TUSC3: variants seen among roughly 807,000 people sequenced by gnomAD.
The protein encoded by TUSC3 is dolichyl-diphosphooligosaccharide--protein glycosyltransferase subunit TUSC3.
In TUSC3, 45 loss-of-function variants were observed where a neutral mutation model predicts 44.8. The ratio of observed to expected loss-of-function variants is 1.00; its 90% CI spans 0.79 to 1.29. The LOEUF is 1.29. TUSC3 is among the 50% of genes most tolerant of loss of function. TUSC3 has a pLI of 0.00. For missense variants in TUSC3, 519 were observed against 437.9 expected, an observed-to-expected ratio of 1.19 and a Z score of -1.65; for synonymous variants, 212 against 152.9, an observed-to-expected ratio of 1.39 and a Z score of -2.85.
chr8:15,775,622 A>G, the TUSC3 span, among the ~76,000 whole-genome samples: 3 of 120,450 alleles, frequency 2.5e-5, no homozygotes, highest in Non-Finnish European at 5.1e-5. Context: ...GTACATATAT[A>G]TATACAGACA....
chr8:15,763,051 A>G (rs1812219662), intron 10 of TUSC3, among the ~76,000 whole-genome samples: 1 of 152,058 alleles, frequency 6.6e-6, no homozygotes, highest in Admixed American at 6.6e-5. Flanking sequence ...TAACAAGAGT[A>G]ATTTTTCTAG....
rs138248480 is a variant in TUSC3 at position 15,613,988 on chromosome 8, C to A, written c.139-9092C>A. On this transcript the variant is annotated intron_variant, in intron 1 of 10. Transcript: ENST00000503731. Reference sequence around the variant, plus strand: ...ATCTCCCATGTGTACAGGAAGTATACATTTGTGAAGCTTCTGGTGTTTTGT... The same window carrying A: ...ATCTCCCATGTGTACAGGAAGTATAAATTTGTGAAGCTTCTGGTGTTTTGT... Among the ~76,000 whole-genome samples the A allele has an allele frequency of 2.8e-3, 415 of 148,244 alleles. 1 individual carries two copies. Among genetic ancestry groups the A allele is most frequent in the African/African-American group, 9.1e-3 (365 of 40,298 alleles).
intron 9 of TUSC3, among the ~76,000 whole-genome samples, chr8:15,749,538 C>T (rs1563204502): frequency 6.6e-6 from 1 of 151,900 alleles, no homozygotes; most frequent in Admixed American, 6.6e-5. Context: ...ATGTGGGTAT[C>T]AGATTTTCTG....
At chr8:15,729,141 A>G (rs1810612618) in intron 6 of TUSC3, among the ~76,000 whole-genome samples, 2 of 152,152 alleles carry the variant, frequency 1.3e-5, no homozygotes, top group Admixed American at 6.5e-5. Context: ...GAGGCAAACT[A>G]TTTTGCAGTT....
chr8:15,644,321 T>C (rs1347712052), intron 2 of TUSC3, among the ~76,000 whole-genome samples: 1 of 152,192 alleles, frequency 6.6e-6, no homozygotes, highest in Non-Finnish European at 1.5e-5. Flanking sequence ...TATATTAGAA[T>C]TTATGGCGTT....
At chr8:15,797,219 G>C in the TUSC3 span, among the ~76,000 whole-genome samples, 2 of 152,236 alleles carry the variant, frequency 1.3e-5, no homozygotes, top group African/African-American at 2.4e-5. Context: ...TTTCAGTGGA[G>C]ACTGTTGGTT....
At chr8:15,592,022 T>G (rs919065632) in intron 1 of TUSC3, among the ~76,000 whole-genome samples, 1 of 152,078 alleles carries the variant, frequency 6.6e-6, no homozygotes, top group East Asian at 1.9e-4. Context: ...GTAAGAGATA[T>G]TGATGGCTTG....
Position 15,766,283 on chromosome 8 carries a change from T to C in TUSC3, c.*2127T>C, listed in dbSNP as rs1812323547. ...TAAGTCGTTACTGACTGGAAAATGC[T>C]ATAGGCAGAATTGCAAAGAGTGGCT... On this transcript the variant is annotated 3_prime_UTR_variant, in exon 11 of 11. Coordinates refer to ENST00000503731, the MANE Select transcript of TUSC3 (RefSeq NM_006765.4). 1 of 152,130 alleles carries C rather than the reference T, an allele frequency of 6.6e-6. No homozygotes were observed. Among genetic ancestry groups the C allele is most frequent in the African/African-American group, 2.4e-5 (1 of 41,448 alleles). 9.4% of individuals were successfully genotyped at this position (152,130 alleles called of 1,614,324 possible). A position where few individuals can be genotyped will look rare whatever the true frequency, so the allele number is the denominator to read the frequency against.
At chr8:15,785,181 T>C in the TUSC3 span, among the ~76,000 whole-genome samples, 4,261 of 152,162 alleles carry the variant, frequency 0.028, 189 homozygotes, top group African/African-American at 0.095. Flanking sequence ...ACTGAAGATA[T>C]CCATGTAACC....
intron 2 of TUSC3, among the ~76,000 whole-genome samples, chr8:15,511,105 C>T (rs1007063170): frequency 2.6e-5 from 4 of 152,126 alleles, no homozygotes; most frequent in Non-Finnish European, 5.9e-5. Flanking sequence ...AAAAACAAAA[C>T]CCAAAACTTA....
intron 1 of TUSC3, among the ~76,000 whole-genome samples, chr8:15,602,770 T>G (rs982894861): frequency 6.6e-6 from 1 of 151,340 alleles, no homozygotes; most frequent in Non-Finnish European, 1.5e-5. Context: ...ATATGTAGTA[T>G]GAGTTTAACT....
the TUSC3 span, among the ~76,000 whole-genome samples, chr8:15,850,564 A>T: frequency 1.3e-5 from 2 of 152,028 alleles, no homozygotes; most frequent in Admixed American, 6.6e-5. Context: ...CTCTCTTCTC[A>T]TCTCTTTCCC....
At chr8:15,675,674 T>A (rs534815517) in intron 6 of TUSC3, among the ~76,000 whole-genome samples, 1 of 152,238 alleles carries the variant, frequency 6.6e-6, no homozygotes, top group Non-Finnish European at 1.5e-5. Context: ...TAGCTCCTAC[T>A]TATAAGAACG....
At chr8:15,556,879 A>G (rs1278228301) in intron 1 of TUSC3, among the ~76,000 whole-genome samples, 1 of 143,168 alleles carries the variant, frequency 7.0e-6, no homozygotes, top group Non-Finnish European at 1.5e-5. Flanking sequence ...AATTTGTTTG[A>G]GTTCATTGTA....
At chr8:15,791,339 A>G in the TUSC3 span, among the ~76,000 whole-genome samples, 2 of 152,176 alleles carry the variant, frequency 1.3e-5, no homozygotes, top group Non-Finnish European at 2.9e-5. Context: ...ATAGTGGAAT[A>G]TGATTATCCA....
the TUSC3 span, among the ~76,000 whole-genome samples, chr8:15,795,011 G>T: frequency 1.4e-4 from 22 of 152,100 alleles, no homozygotes; most frequent in Admixed American, 3.9e-4. Context: ...CCATGAGTAT[G>T]CCACTCTAAT....
chr8:15,720,786 C>T (rs1490323937), intron 6 of TUSC3, among the ~76,000 whole-genome samples: 1 of 152,018 alleles, frequency 6.6e-6, no homozygotes, highest in Admixed American at 6.6e-5. Context: ...TATAATGGCA[C>T]TAAGAGATTT....
At chr8:15,767,981 G>A (rs1215057208), downstream of TUSC3, among the ~76,000 whole-genome samples, 2 of 152,108 alleles carry the variant, frequency 1.3e-5, no homozygotes, top group Non-Finnish European at 2.9e-5. Flanking sequence ...CAGGATCCAT[G>A]TTCAGAAAAG....
chr8:15,788,635 C>CG, the TUSC3 span, among the ~76,000 whole-genome samples: 2 of 152,070 alleles, frequency 1.3e-5, no homozygotes, highest in East Asian at 3.9e-4. Context: ...CTGCCTACCC[C>CG]GGGGCTGATG....
Sources: gnomAD v4.1 joint callset for allele counts (sites outside exome capture counted in the v4.1 genomes callset) on GRCh38, gnomAD v4.1.1 for gene constraint, MANE v1.5 for transcripts, NCBI Gene and HGNC (gene_info 2026-07-23, HGNC 2026-07-21) for gene names.